SCFD2: variants seen among roughly 807,000 people sequenced by gnomAD.
The protein encoded by SCFD2 is sec1 family domain containing 2, also known as sec1 family domain-containing protein 2.
A neutral mutation model predicts 58.9 loss-of-function variants in SCFD2; 54 were observed. The observed-to-expected ratio is 0.92, with a 90% CI of 0.74 to 1.15. SCFD2 has a LOEUF of 1.15. SCFD2 is among the 50% of genes most tolerant of loss of function. The pLI is 0.00. For missense variants in SCFD2, 805 were observed against 836.6 expected (o/e 0.96, Z 0.47); for synonymous variants, 321 against 335.9 (o/e 0.96, Z 0.49).
intron 3 of SCFD2, among the ~76,000 whole-genome samples, chr4:53,303,224 G>A (rs533091469): frequency 6.6e-6 from 1 of 152,200 alleles, no homozygotes; most frequent in East Asian, 1.9e-4. Context: ...CTAATATCCA[G>A]AATGTACAAT....
chr4:53,209,057 G>A (rs1465366735), intron 4 of SCFD2, among the ~76,000 whole-genome samples: 1 of 152,112 alleles, frequency 6.6e-6, no homozygotes, highest in Non-Finnish European at 1.5e-5. Context: ...GAGTTACCAG[G>A]ACTTGGGACA....
intron 5 of SCFD2, among the ~76,000 whole-genome samples, chr4:52,927,393 A>G (rs1413608808): frequency 6.6e-6 from 1 of 152,150 alleles, no homozygotes; most frequent in Non-Finnish European, 1.5e-5. Flanking sequence ...TACCACATGC[A>G]ATCCCATTTA....
At chr4:53,266,276 A>G (rs1730981036) in intron 4 of SCFD2, among the ~76,000 whole-genome samples, 2 of 152,182 alleles carry the variant, frequency 1.3e-5, no homozygotes, top group South Asian at 4.1e-4. Flanking sequence ...CATTTGTAAT[A>G]TTTTTGACCC....
chr4:53,333,330 C>A (rs1283948276), intron 2 of SCFD2, among the ~76,000 whole-genome samples: 9 of 145,426 alleles, frequency 6.2e-5, no homozygotes, highest in Admixed American at 5.6e-4. Context: ...GGAGGCATCA[C>A]GCTACCTGAC....
intron 5 of SCFD2, among the ~76,000 whole-genome samples, chr4:53,138,642 C>G (rs1394110445): frequency 6.6e-6 from 1 of 152,166 alleles, no homozygotes; most frequent in Non-Finnish European, 1.5e-5. Flanking sequence ...TTTTGCCCAC[C>G]ACGCTAGAAA....
At chr4:53,351,824 T>C (rs1317503524) in intron 2 of SCFD2, among the ~76,000 whole-genome samples, 1 of 152,220 alleles carries the variant, frequency 6.6e-6, no homozygotes, top group Non-Finnish European at 1.5e-5. Flanking sequence ...ATACTAATTA[T>C]ATTAATAAAT....
intron 1 of SCFD2, among the ~76,000 whole-genome samples, chr4:53,357,403 T>G (rs1734431481): frequency 6.6e-6 from 1 of 151,654 alleles, no homozygotes; most frequent in Admixed American, 6.6e-5. Flanking sequence ...CATACCAGCC[T>G]GGGCAATAGT....
chr4:53,262,780 G>T (rs1730866524), intron 4 of SCFD2, among the ~76,000 whole-genome samples: 1 of 152,122 alleles, frequency 6.6e-6, no homozygotes, highest in South Asian at 2.1e-4. Flanking sequence ...TGAGCTTCTG[G>T]TATTTGGATG....
rs1722201284 is a variant in SCFD2 at position 53,015,867 on chromosome 4, G to A, written c.1562-94997C>T. 2.6e-5 allele frequency among the ~76,000 whole-genome samples: 4 copies of A among 152,126 alleles called. No homozygotes were observed. The South Asian group carries it at 8.3e-4, about 32-fold the overall frequency. On this transcript the variant is annotated intron_variant, in intron 5 of 8. Transcript: ENST00000401642. The stretch of plus-strand genomic sequence containing the variant: ...TTATTGTACAGTCTCTTCTCTATGA[G>A]GGGCTTTCAAAGAACAAAATGCATT...
rs564855642 is a variant in SCFD2 at position 52,899,940 on chromosome 4, A to G, written c.1842+7517T>C. On this transcript the variant is annotated intron_variant, in intron 7 of 8. Transcript: ENST00000401642. ...GATACCCTTTTTTCCAGTTGATCGC[A>G]TCGGTTACTTAGGCTTGTGCATTCG... 3.3e-5 allele frequency among the ~76,000 whole-genome samples: 5 copies of G among 152,058 alleles called. No homozygotes were observed. In the South Asian group the frequency reaches 1.0e-3, roughly 32 times the overall value.
At chr4:53,326,078 A>G (rs1442684411) in intron 2 of SCFD2, among the ~76,000 whole-genome samples, 2 of 152,240 alleles carry the variant, frequency 1.3e-5, no homozygotes, top group Non-Finnish European at 2.9e-5. Context: ...TCTTTTAAAT[A>G]GATTCAGGAA....
At chr4:53,226,655 G>C (rs1729226349) in intron 4 of SCFD2, among the ~76,000 whole-genome samples, 1 of 152,142 alleles carries the variant, frequency 6.6e-6, no homozygotes, top group Non-Finnish European at 1.5e-5. Context: ...TGCCTTCAGA[G>C]AGCTAAGGAG....
intron 5 of SCFD2, among the ~76,000 whole-genome samples, chr4:52,953,176 G>A (rs1577856396): frequency 6.6e-6 from 1 of 152,198 alleles, no homozygotes; most frequent in Non-Finnish European, 1.5e-5. Flanking sequence ...CTCACAGTGA[G>A]TCCTTGGGAG....
chr4:52,931,854 C>A (rs1286952056), intron 5 of SCFD2, among the ~76,000 whole-genome samples: 1 of 152,184 alleles, frequency 6.6e-6, no homozygotes, highest in East Asian at 1.9e-4. Context: ...CTTCCTGCAA[C>A]AAGTCCCGTA....
rs138661211 is a variant in SCFD2 at position 53,108,821 on chromosome 4, T to C, written c.1561+36512A>G. 3.2e-3 allele frequency among the ~76,000 whole-genome samples: 482 copies of C among 152,278 alleles called. 2 individuals carry two copies. The highest frequency in any genetic ancestry group is 8.4e-3 in the African/African-American group (348 of 41,558). On this transcript the variant is annotated intron_variant, in intron 5 of 8. Coordinates refer to ENST00000401642, the MANE Select transcript of SCFD2 (RefSeq NM_152540.4). Reference sequence around the variant, plus strand: ...GAGCTGGCACCATTCCTTCTGAAACTATTCCAAACAATGGAAAAGAGGGAC... The same window carrying C: ...GAGCTGGCACCATTCCTTCTGAAACCATTCCAAACAATGGAAAAGAGGGAC...
At chr4:53,332,499 C>T (rs1044058199) in intron 2 of SCFD2, among the ~76,000 whole-genome samples, 4 of 152,196 alleles carry the variant, frequency 2.6e-5, no homozygotes, top group African/African-American at 9.7e-5. Context: ...AAAAAAACCA[C>T]ATGATTATCT....
chr4:53,258,654 C>G (rs1730734721), intron 4 of SCFD2, among the ~76,000 whole-genome samples: 1 of 150,708 alleles, frequency 6.6e-6, no homozygotes, highest in South Asian at 2.1e-4. Flanking sequence ...TCCATACTTT[C>G]ACAACTGCAA....
chr4:53,204,436 A>G (rs1345629456), intron 4 of SCFD2, among the ~76,000 whole-genome samples: 1 of 151,876 alleles, frequency 6.6e-6, no homozygotes, highest in Non-Finnish European at 1.5e-5. Context: ...ATAAACACAC[A>G]AAGATTGAAA....
In SCFD2 at chr4:52,881,421, T is replaced by G. The variant is rs10025501; in HGVS notation, c.1962+4326A>C. On this transcript the variant is annotated intron_variant, in intron 8 of 8. Transcript: ENST00000401642. ...TGTCTGTTGTCCACTTGTCATGAGG[T>G]GGTGCTTCCATGTTTATTGTCAGTT... Among the ~76,000 whole-genome samples, 299 of 152,316 alleles carry G rather than the reference T, an allele frequency of 2.0e-3. 1 individual carries two copies. Among genetic ancestry groups the G allele is most frequent in the African/African-American group, 5.4e-3 (226 of 41,564 alleles).
Sources: gnomAD v4.1 joint callset for allele counts (sites outside exome capture counted in the v4.1 genomes callset) on GRCh38, gnomAD v4.1.1 for gene constraint, MANE v1.5 for transcripts, NCBI Gene and HGNC (gene_info 2026-07-23, HGNC 2026-07-21) for gene names.